Variants in CDH13 observed in about 807,000 individuals in gnomAD.
The protein encoded by CDH13 is cadherin-13.
Under a neutral mutation model 63.8 loss-of-function variants are expected in CDH13, and 24 were observed. That is an observed-to-expected ratio of 0.38 (90% CI 0.27 to 0.53). The LOEUF is 0.53. CDH13 is among the 20% of genes least tolerant of loss of function. The probability of loss-of-function intolerance (pLI) is 0.85; values close to 1 mark genes in which losing one functional copy is unlikely to be tolerated. For missense variants in CDH13, 1,049 were observed against 903.1 expected, an observed-to-expected ratio of 1.16 and a Z score of -2.07; for synonymous variants, 503 against 355.3, an observed-to-expected ratio of 1.42 and a Z score of -4.67.
At chr16:82,807,966 T>A (rs1486669777) in intron 1 of CDH13, among the ~76,000 whole-genome samples, 2 of 152,306 alleles carry the variant, frequency 1.3e-5, no homozygotes, top group Non-Finnish European at 2.9e-5. Flanking sequence ...GGTCAACTTA[T>A]TAACGAGAGA....
intron 7 of CDH13, among the ~76,000 whole-genome samples, chr16:83,581,746 G>A (rs1905624534): frequency 6.6e-6 from 1 of 152,186 alleles, no homozygotes; most frequent in Non-Finnish European, 1.5e-5. Context: ...TTGAGCCCAG[G>A]AGTTCAAGGC....
rs753280933 is a variant in CDH13 at position 83,748,134 on chromosome 16, G to C, written c.1565G>C (p.Gly522Ala). ...TATTCTGTTTACAAGGACCCAGCAG[G>C]TTGGCTGAATATTAACCCCATCAAT... The part of the protein sequence containing the change: ...IRYSVYKDPA[G>A]WLNINPINGT... Residue 522 changes from glycine (G) to alanine (A), a missense_variant, in exon 11 of 14, where the codon GGT (glycine) becomes GCT (alanine). Transcript: ENST00000567109. 1.2e-6 allele frequency: 2 copies of C among 1,613,764 alleles called. No homozygotes were observed. Among genetic ancestry groups the C allele is most frequent in the East Asian group, 2.2e-5 (1 of 44,872 alleles).
intron 4 of CDH13, among the ~76,000 whole-genome samples, chr16:83,142,160 GTTTTTTTT>G (rs11445521): frequency 5.8e-5 from 7 of 120,382 alleles, no homozygotes; most frequent in African/African-American, 1.3e-4. Flanking sequence ...GTTTGTTTTT[GTTTTTTTT>G]TTTTTTTTTT....
intron 2 of CDH13, among the ~76,000 whole-genome samples, chr16:83,005,571 C>G (rs1304886407): frequency 1.3e-5 from 2 of 152,106 alleles, no homozygotes; most frequent in Non-Finnish European, 2.9e-5. Flanking sequence ...AAAGGAAATT[C>G]TCCAATTATT....
chr16:83,069,092 T>G (rs2151538431), intron 3 of CDH13, among the ~76,000 whole-genome samples: 1 of 152,346 alleles, frequency 6.6e-6, no homozygotes, highest in Non-Finnish European at 1.5e-5. Context: ...TGTCTTTCAC[T>G]TATCCCATAA....
chr16:82,818,139 T>TGTGTGTGTGTGTGTGTGTGTGTGTG (rs1555523731), intron 1 of CDH13, among the ~76,000 whole-genome samples: 27 of 151,466 alleles, frequency 1.8e-4, no homozygotes, highest in African/African-American at 6.6e-4. Context: ...TGTGTGTGTG[T>TGTGTGTGTGTGTGTGTGTGTGTGTG]TTTGGGAAGA....
chr16:83,503,209 G>C (rs66933610), intron 7 of CDH13, among the ~76,000 whole-genome samples: 1 of 152,048 alleles, frequency 6.6e-6, no homozygotes. Context: ...AAACTAAGAA[G>C]TGGTGAATTG....
At chr16:83,491,593 G>A (rs538749389) in intron 7 of CDH13, among the ~76,000 whole-genome samples, 34 of 147,528 alleles carry the variant, frequency 2.3e-4, no homozygotes, top group African/African-American at 8.5e-4. Flanking sequence ...CTTTTTTAAT[G>A]GAAATAGTTT....
intron 7 of CDH13, among the ~76,000 whole-genome samples, chr16:83,573,851 G>A (rs1298982125): frequency 6.6e-6 from 1 of 152,164 alleles, no homozygotes; most frequent in African/African-American, 2.4e-5. Context: ...CTTTGTGACA[G>A]CAACATACAT....
chr16:83,102,548 A>T (rs1014279527), intron 3 of CDH13, among the ~76,000 whole-genome samples: 1 of 152,128 alleles, frequency 6.6e-6, no homozygotes, highest in East Asian at 1.9e-4. Flanking sequence ...GAACAAGGAC[A>T]CTGGCTTCAC....
chr16:82,979,905 C>T (rs1481784538), intron 2 of CDH13, among the ~76,000 whole-genome samples: 3 of 152,184 alleles, frequency 2.0e-5, no homozygotes, highest in Admixed American at 6.5e-5. Flanking sequence ...TCTTGGAATA[C>T]TAGCATTGTT....
chr16:83,654,736 C>G (rs1208723682), intron 8 of CDH13: 2 of 152,222 alleles, frequency 1.3e-5, no homozygotes, highest in Non-Finnish European at 2.9e-5. Context: ...TCCTATTGCT[C>G]CACTCACCCC....
chr16:83,746,754 C>T (rs1156314254), intron 10 of CDH13, among the ~76,000 whole-genome samples: 1 of 152,220 alleles, frequency 6.6e-6, no homozygotes, highest in Non-Finnish European at 1.5e-5. Context: ...CAGCATCTTT[C>T]TGGCTTAGGT....
intron 1 of CDH13, among the ~76,000 whole-genome samples, chr16:82,720,531 T>C (rs1317330098): frequency 1.3e-5 from 2 of 152,044 alleles, no homozygotes; most frequent in Non-Finnish European, 1.5e-5. Flanking sequence ...CACTCACTCA[T>C]ACTGGGGCAA....
chr16:83,783,035 G>C (rs1314231100), intron 12 of CDH13, among the ~76,000 whole-genome samples: 1 of 152,216 alleles, frequency 6.6e-6, no homozygotes, highest in Non-Finnish European at 1.5e-5. Flanking sequence ...ACAGGAGCCA[G>C]CAGCCATGTG....
At chr16:83,775,099 T>G (rs1915015560) in intron 11 of CDH13, among the ~76,000 whole-genome samples, 1 of 151,716 alleles carries the variant, frequency 6.6e-6, no homozygotes, top group Non-Finnish European at 1.5e-5. Context: ...AAAATTCTGG[T>G]GGAGAAAGTA....
rs185882800 is a variant in CDH13 at position 82,658,814 on chromosome 16, G to A, written c.45+31677G>A. Among the ~76,000 whole-genome samples the A allele has an allele frequency of 3.3e-5, 5 of 152,308 alleles. No homozygotes were observed. In the East Asian group the frequency reaches 9.6e-4, roughly 29 times the overall value. ...GGTACAAAGTCGATAGATTTTAAAA[G>A]CCCATAGAAGAAAACATACATTTTT... On this transcript the variant is annotated intron_variant, in intron 1 of 13. Coordinates refer to ENST00000567109, the MANE Select transcript of CDH13 (RefSeq NM_001257.5).
intron 1 of CDH13, among the ~76,000 whole-genome samples, chr16:82,693,517 C>G (rs774027348): frequency 1.3e-5 from 2 of 152,180 alleles, no homozygotes; most frequent in African/African-American, 2.4e-5. Flanking sequence ...GTTACTCGCT[C>G]TCCCCTGTAT....
chr16:82,881,201 G>C (rs1027770967), intron 2 of CDH13, among the ~76,000 whole-genome samples: 27 of 152,108 alleles, frequency 1.8e-4, no homozygotes, highest in African/African-American at 6.5e-4. Context: ...GGTGTGTAGA[G>C]GCTTCCGTTC....
Sources: gnomAD v4.1 joint callset for allele counts (sites outside exome capture counted in the v4.1 genomes callset) on GRCh38, gnomAD v4.1.1 for gene constraint, MANE v1.5 for transcripts, NCBI Gene and HGNC (gene_info 2026-07-23, HGNC 2026-07-21) for gene names.